DNAH10: variants seen among roughly 807,000 people sequenced by gnomAD.
The protein encoded by DNAH10 is axonemal beta dynein heavy chain 10.
DNAH10 carries 348 observed loss-of-function variants against 506.6 expected under a neutral mutation model. The ratio of observed to expected loss-of-function variants is 0.69; its 90% CI spans 0.63 to 0.75. The LOEUF is 0.75. Among genes scored for constraint, DNAH10 ranks in the 30% least tolerant of loss-of-function variants. The pLI is 0.00. For synonymous variants in DNAH10, 2,059 were observed against 2,198.6 expected, an observed-to-expected ratio of 0.94 and a Z score of 1.78; for missense variants, 5,179 against 5,787.1, an observed-to-expected ratio of 0.89 and a Z score of 3.41.
chr12:123,917,906 G>GCAGACATTTTA lies in DNAH10; in HGVS notation c.11232+93_11232+94insCAGACATTTTA. The GCAGACATTTTA allele has an allele frequency of 1.4e-6, 2 of 1,382,596 alleles. No individual in the cohort carries two copies. The highest frequency in any genetic ancestry group is 2.5e-5 in the East Asian group (1 of 39,942). 85.6% of individuals were successfully genotyped at this position (1,382,596 alleles called of 1,614,324 possible). On this transcript the variant is annotated intron_variant, in intron 64 of 78. Coordinates refer to ENST00000673944, the MANE Select transcript of DNAH10 (RefSeq NM_001372106.1). This position sits in a 1 kb window ranked among gnomAD's most constrained non-coding sequence, Gnocchi z 5.6. ...CTCTGTCTGCTCAATGAGAAAATGGGGCTCTGTGATCTCAGGGCTAAAAAC... is the reference window on the plus strand; with the variant it reads ...CTCTGTCTGCTCAATGAGAAAATGGGCAGACATTTTAGCTCTGTGATCTCAGGGCTAAAAAC...
At chr12:123,852,081 C>T (rs567657008) in intron 35 of DNAH10, among the ~76,000 whole-genome samples, 12 of 152,134 alleles carry the variant, frequency 7.9e-5, no homozygotes, top group Non-Finnish European at 2.9e-5. Flanking sequence ...CATGTTACTG[C>T]TTACTAGACA....
chr12:123,848,855 T>C lies in DNAH10; in HGVS notation c.6075T>C (p.Ala2025=). 1 of 1,613,842 alleles carries C rather than the reference T, an allele frequency of 6.2e-7. No homozygotes were observed. Among genetic ancestry groups the C allele is most frequent in the Non-Finnish European group, 8.5e-7 (1 of 1,179,842 alleles). The change falls in exon 34 of 79, where the codon GCT becomes GCC. Residue 2025 remains alanine (A), a synonymous_variant. Coordinates refer to ENST00000673944, the MANE Select transcript of DNAH10 (RefSeq NM_001372106.1). The stretch of plus-strand genomic sequence containing the variant: ...CCCAGATCCAGACGATCCGAAATGC[T>C]CTGATCCATCAGTTAACCACGTTCC... ...ISSQIQTIRN[A]LIHQLTTFQF...
In DNAH10 at chr12:123,787,790, T is replaced by TCTTGG. The variant is rs771535684; in HGVS notation, c.1422-10_1422-6dup. 1 of 1,611,302 alleles carries TCTTGG rather than the reference T, an allele frequency of 6.2e-7. No homozygotes were observed. Among genetic ancestry groups the TCTTGG allele is most frequent in the Non-Finnish European group, 8.5e-7 (1 of 1,178,936 alleles). ...TCCGCCCTCCTCCCATCACGGCATC[T>TCTTGG]CTTGGCTTCGCAGAGAAAATCGAGC... On this transcript the variant is annotated splice_polypyrimidine_tract_variant and intron_variant, in intron 9 of 78. Transcript: ENST00000673944. The surrounding 1 kb of genome is among the most constrained non-coding windows in gnomAD (Gnocchi z 4.6).
At chr12:123,776,746 G>C (rs1957455303) in intron 5 of DNAH10, among the ~76,000 whole-genome samples, 1 of 152,130 alleles carries the variant, frequency 6.6e-6, no homozygotes, top group Non-Finnish European at 1.5e-5. Context: ...CAGGATGTAT[G>C]AATCTGGAGC....
chr12:123,924,239 T>G, intron 66 of DNAH10, 39 bp from the exon 67 acceptor site: 1 of 1,571,422 alleles, frequency 6.4e-7, no homozygotes, highest in Non-Finnish European at 8.7e-7. Context: ...TTTGTGTTAG[T>G]GGTACAATGG....
At position 123,931,447 on chromosome 12, in the gene DNAH10, C is replaced by T. The variant is rs1198707272; in HGVS notation, c.12891C>T (p.His4297=). ...AGGCGGCTCGAGACATGTGGGCTCA[C>T]CTGCTGGAGCTGCAGCCTCAGACAG... ...YTQAARDMWA[H]LLELQPQTGE... is the part of the protein sequence containing the mutation. Residue 4297 remains histidine (H), a synonymous_variant, in exon 74 of 79, where the codon CAC becomes CAT. Coordinates refer to ENST00000673944, the MANE Select transcript of DNAH10 (RefSeq NM_001372106.1). 1.9e-6 allele frequency: 3 copies of T among 1,613,794 alleles called. No individual in the cohort carries two copies. Among genetic ancestry groups the T allele is most frequent in the East Asian group, 2.2e-5 (1 of 44,894 alleles).
chr12:123,876,574 A>C (rs1326981406), intron 47 of DNAH10, among the ~76,000 whole-genome samples: 3 of 152,220 alleles, frequency 2.0e-5, no homozygotes, highest in Non-Finnish European at 4.4e-5. Context: ...TGAAGGCTTT[A>C]GTGAGCCAAG....
At position 123,925,198 on chromosome 12, in the gene DNAH10, G is replaced by A. The variant is rs192638383; in HGVS notation, c.11915G>A (p.Gly3972Glu). ...ACTGACTATGTGACTGTAACAATGG[G>A]AGAGAAGTAAGTGTGTCGTTTTGTT... ...AVTDYVTVTM[G>E]EKYVQPPMIS... The change falls in exon 68 of 79, where the codon GGA (glycine) becomes GAA (glutamate). Residue 3972 changes from glycine (G) to glutamate (E), a missense_variant. Transcript: ENST00000673944. The surrounding 1 kb of genome is among the most constrained non-coding windows in gnomAD (Gnocchi z 4.0). 2.3e-4 allele frequency: 369 copies of A among 1,613,996 alleles called. 1 individual carries two copies. In the East Asian group the frequency reaches 5.0e-3, roughly 22 times the overall value.
intron 57 of DNAH10, among the ~76,000 whole-genome samples, chr12:123,906,295 G>T (rs1018632163): frequency 2.6e-5 from 4 of 151,720 alleles, no homozygotes; most frequent in Non-Finnish European, 4.4e-5. Context: ...AGGCTGGAGT[G>T]CAGTGGCGCG....
At chr12:123,802,977 C>T (rs1435498471) in intron 16 of DNAH10, among the ~76,000 whole-genome samples, 1 of 152,040 alleles carries the variant, frequency 6.6e-6, no homozygotes, top group Non-Finnish European at 1.5e-5. Context: ...AGATACTCGT[C>T]TTTTATTGGA....
At position 123,837,161 on chromosome 12, in the gene DNAH10, C is replaced by T. The variant is rs188396379; in HGVS notation, c.4903-1295C>T. Among the ~76,000 whole-genome samples the T allele has an allele frequency of 2.3e-3, 310 of 137,562 alleles. 1 individual carries two copies. The highest frequency in any genetic ancestry group is 7.2e-3 in the African/African-American group (270 of 37,342). 90.2% of individuals were successfully genotyped at this position (137,562 alleles called of 152,430 possible). A position where few individuals can be genotyped will look rare whatever the true frequency, so the allele number is the denominator to read the frequency against. ...CCACTGTGCCCAGCCGGTGAAACTC[C>T]GTCTCTACTAAAAATACAAAAAAAA... is the stretch of plus-strand genomic sequence containing the variant. On this transcript the variant is annotated intron_variant, in intron 28 of 78. Transcript: ENST00000673944.
chr12:123,838,637 T>C lies in DNAH10; in HGVS notation c.5084T>C (p.Leu1695Pro), dbSNP rs1950654325. The change falls in exon 29 of 79, where the codon CTT (leucine) becomes CCT (proline). Residue 1695 changes from leucine (L) to proline (P), a missense_variant. Around this residue, in one of 3 missense-constraint regions of DNAH10, gnomAD observed 4,844 missense variants for 5,430.5 expected, o/e 0.89. Transcript: ENST00000673944. Reference protein sequence around the residue: ...RFFFISDDELLSILGSSDPLC... With the variant: ...RFFFISDDELPSILGSSDPLC... ...TTCTTCATTTCTGACGATGAGTTGCTTAGCATTCTGGGGAGCAGCGACCCA... is the reference window on the plus strand; with the variant it reads ...TTCTTCATTTCTGACGATGAGTTGCCTAGCATTCTGGGGAGCAGCGACCCA... 1.2e-6 allele frequency: 2 copies of C among 1,614,034 alleles called. No individual in the cohort carries two copies. Among genetic ancestry groups the C allele is most frequent in the Non-Finnish European group, 8.5e-7 (1 of 1,179,888 alleles).
chr12:123,774,343 C>T (rs1236702072), intron 5 of DNAH10, 79 bp downstream of exon 5: 19 of 1,071,576 alleles, frequency 1.8e-5, no homozygotes, highest in East Asian at 4.9e-5. Flanking sequence ...AAATAGGTAG[C>T]GGGCAGCTCT....
intron 2 of DNAH10, among the ~76,000 whole-genome samples, chr12:123,769,343 A>G (rs1957165002): frequency 6.6e-6 from 1 of 151,490 alleles, no homozygotes; most frequent in Non-Finnish European, 1.5e-5. Flanking sequence ...AATCTTGCTA[A>G]TTTTTGTATT....
At chr12:123,924,756 A>C (rs1340595532) in intron 67 of DNAH10, among the ~76,000 whole-genome samples, 1 of 151,134 alleles carries the variant, frequency 6.6e-6, no homozygotes, top group Admixed American at 6.6e-5. Flanking sequence ...CCATCCATGC[A>C]CCCACTCATC....
rs201470027 is a variant in DNAH10 at position 123,800,590 on chromosome 12, G to A, written c.2462+202G>A. The stretch of plus-strand genomic sequence containing the variant: ...AGTCTCAGCTACTTGGGAGGCTTAG[G>A]TGGGAGGATTCCTTGAACCTGGGAG... On this transcript the variant is annotated intron_variant, in intron 15 of 78. Transcript: ENST00000673944. 3.9e-5 allele frequency among the ~76,000 whole-genome samples: 6 copies of A among 151,912 alleles called. No homozygotes were observed. The East Asian group carries it at 1.2e-3, about 29-fold the overall frequency.
intron 1 of DNAH10, among the ~76,000 whole-genome samples, chr12:123,765,318 A>G (rs1365494021): frequency 6.6e-6 from 1 of 152,206 alleles, no homozygotes; most frequent in East Asian, 1.9e-4. Context: ...AAGAAATTAC[A>G]CAAATACTGC....
intron 11 of DNAH10, among the ~76,000 whole-genome samples, chr12:123,791,354 G>A (rs907957204): frequency 3.9e-5 from 6 of 152,132 alleles, no homozygotes; most frequent in South Asian, 4.2e-4. Flanking sequence ...GACCCATTGC[G>A]CTCACCTTTT....
At position 123,864,381 on chromosome 12, in the gene DNAH10, G is replaced by A. The variant is rs1200510707; in HGVS notation, c.6909-214G>A. Among the ~76,000 whole-genome samples, 5 of 151,772 alleles carry A rather than the reference G, an allele frequency of 3.3e-5. No individual in the cohort carries two copies. In the East Asian group the frequency reaches 5.8e-4, roughly 18 times the overall value. ...AGACTGGTCTCGAACTCCTGACCTC[G>A]CGATCCGCCCACCTTGGCCTCCCAA... On this transcript the variant is annotated intron_variant, in intron 39 of 78. Coordinates refer to ENST00000673944, the MANE Select transcript of DNAH10 (RefSeq NM_001372106.1).
Sources: gnomAD v4.1 joint callset for allele counts (sites outside exome capture counted in the v4.1 genomes callset) on GRCh38, gnomAD v4.1.1 for gene constraint, gnomAD v4.1.1 regional missense constraint, Gnocchi (gnomAD v3.1) non-coding constraint, MANE v1.5 for transcripts, NCBI Gene and HGNC (gene_info 2026-07-23, HGNC 2026-07-21) for gene names.